Variants in MEIKIN observed in about 807,000 individuals in gnomAD.
MEIKIN encodes the protein meiotic kinetochore factor.
At chr5:131,869,780 T>C (rs1005823944) in intron 9 of MEIKIN, among the ~76,000 whole-genome samples, 7 of 152,214 alleles carry the variant, frequency 4.6e-5, no homozygotes, top group Non-Finnish European at 1.0e-4. Flanking sequence ...CCTCCAGCAA[T>C]TCATCAACAC....
chr5:131,836,553 G>A (rs1749811358), intron 11 of MEIKIN, among the ~76,000 whole-genome samples: 1 of 152,104 alleles, frequency 6.6e-6, no homozygotes, highest in South Asian at 2.1e-4. Context: ...AACCTCATCA[G>A]CATCTGCTAT....
chr5:131,885,379 G>A (rs868659039), intron 8 of MEIKIN, among the ~76,000 whole-genome samples: 248 of 84,340 alleles, frequency 2.9e-3, no homozygotes, highest in African/African-American at 0.01. Context: ...GAGAGAGAGA[G>A]AGAGAGAGAG....
At chr5:131,835,876 A>G (rs1749797441) in intron 11 of MEIKIN, among the ~76,000 whole-genome samples, 1 of 152,198 alleles carries the variant, frequency 6.6e-6, no homozygotes, top group African/African-American at 2.4e-5. Flanking sequence ...TATAGGCGTG[A>G]GCCACCATGC....
chr5:131,862,292 T>C (rs180986037), intron 9 of MEIKIN, among the ~76,000 whole-genome samples: 1 of 152,236 alleles, frequency 6.6e-6, no homozygotes, highest in Admixed American at 6.5e-5. Flanking sequence ...AGTAGTAACG[T>C]CTCCTTTTTC....
At chr5:131,877,984 T>C (rs186982415) in intron 9 of MEIKIN, among the ~76,000 whole-genome samples, 3 of 152,352 alleles carry the variant, frequency 2.0e-5, no homozygotes, top group East Asian at 3.9e-4. Context: ...ATATCCATGA[T>C]AGACATACCA....
chr5:131,875,123 A>G (rs1750588854), intron 9 of MEIKIN, among the ~76,000 whole-genome samples: 1 of 152,230 alleles, frequency 6.6e-6, no homozygotes, highest in Non-Finnish European at 1.5e-5. Flanking sequence ...GATTCAACAT[A>G]GTGTTGGAAG....
At chr5:131,861,379 C>G (rs1340393899) in intron 9 of MEIKIN, among the ~76,000 whole-genome samples, 2 of 151,924 alleles carry the variant, frequency 1.3e-5, no homozygotes, top group African/African-American at 4.8e-5. Flanking sequence ...CAGAGAGAGA[C>G]TCTGTCTTCA....
chr5:131,835,180 G>GTGTGTA (rs1218537577), intron 11 of MEIKIN, among the ~76,000 whole-genome samples: 10 of 150,994 alleles, frequency 6.6e-5, no homozygotes, highest in African/African-American at 2.4e-4. Context: ...ATATATATGT[G>GTGTGTA]TATATATATG....
intron 8 of MEIKIN, among the ~76,000 whole-genome samples, chr5:131,900,572 A>C (rs1462724305): frequency 6.6e-6 from 1 of 152,046 alleles, no homozygotes; most frequent in African/African-American, 2.4e-5. Context: ...GAGCATAGCC[A>C]AGGACGCCCA....
chr5:131,914,109 C>G (rs2149644607), intron 7 of MEIKIN, among the ~76,000 whole-genome samples: 1 of 152,264 alleles, frequency 6.6e-6, no homozygotes, highest in South Asian at 2.1e-4. Context: ...TGTTCAGTCC[C>G]TTTGCTATGT....
In MEIKIN at chr5:131,945,461, C is replaced by T; in HGVS notation, c.45G>A (p.Gln15=). 1 of 399,476 alleles carries T rather than the reference C, an allele frequency of 2.5e-6. No individual in the cohort carries two copies. The highest frequency in any genetic ancestry group is 4.4e-6 in the Non-Finnish European group (1 of 226,168). The allele number at this position is 399,476 out of a possible 1,614,324, so 24.7% of individuals were successfully genotyped here. ...RVYTRKKREG[Q]RLNLTPTPDL... ...CTGGCGTCGGGGTGAGATTGAGCCT[C>T]TGACCCTCCCGCTTTTTGCGGGTAT... Residue 15 remains glutamine (Q), a synonymous_variant, in exon 1 of 13, where the codon CAG becomes CAA. Coordinates refer to ENST00000442687, the MANE Select transcript of MEIKIN (RefSeq NM_001303622.2).
At chr5:131,851,582 AAATC>A (rs1750116487) in intron 10 of MEIKIN, among the ~76,000 whole-genome samples, 199 bp from the exon 11 acceptor site, 1 of 152,230 alleles carries the variant, frequency 6.6e-6, no homozygotes, top group South Asian at 2.1e-4. Flanking sequence ...GTTTAGAGAC[AAATC>A]AATCTGTAAA....
chr5:131,912,451 G>A (rs1022907144), intron 7 of MEIKIN, among the ~76,000 whole-genome samples: 1 of 151,890 alleles, frequency 6.6e-6, no homozygotes, highest in African/African-American at 2.4e-5. Context: ...ATCTAAATGT[G>A]TAGGAAAGGA....
chr5:131,891,011 A>T (rs1283872145), intron 8 of MEIKIN, among the ~76,000 whole-genome samples: 3 of 152,154 alleles, frequency 2.0e-5, no homozygotes, highest in Non-Finnish European at 4.4e-5. Context: ...TTCAGTTTCC[A>T]TGTAGTTGAG....
intron 12 of MEIKIN, among the ~76,000 whole-genome samples, chr5:131,810,412 C>A (rs1017497126): frequency 1.3e-5 from 2 of 152,158 alleles, no homozygotes; most frequent in African/African-American, 2.4e-5. Context: ...TTCTCTAACA[C>A]CTCAAAGTTA....
chr5:131,870,217 AT>A (rs1255222369), intron 9 of MEIKIN, among the ~76,000 whole-genome samples: 1 of 152,188 alleles, frequency 6.6e-6, no homozygotes, highest in African/African-American at 2.4e-5. Context: ...AATAATTAAT[AT>A]TTTTAATGTA....
In MEIKIN at chr5:131,944,770, C is replaced by A. The variant is rs753928071; in HGVS notation, c.201-18G>T. The A allele has an allele frequency of 7.0e-5, 28 of 398,924 alleles. No homozygotes were observed. Among genetic ancestry groups the A allele is most frequent in the Non-Finnish European group, 1.1e-4 (25 of 226,078 alleles). The allele number at this position is 398,924 out of a possible 1,614,324, so 24.7% of individuals were successfully genotyped here. A position where few individuals can be genotyped will look rare whatever the true frequency, so the allele number is the denominator to read the frequency against. ...AGCGAGGGCTAACAAAGAGACAACG[C>A]AATTAGTTTGCACCATCTGGATTTG... On this transcript the variant is annotated intron_variant, in intron 2 of 12. Transcript: ENST00000442687.
At chr5:131,871,002 T>C (rs1229343206) in intron 9 of MEIKIN, among the ~76,000 whole-genome samples, 3 of 151,996 alleles carry the variant, frequency 2.0e-5, no homozygotes, top group East Asian at 1.9e-4. Context: ...AGCTATAAAA[T>C]AGGTAAAAAC....
At chr5:131,924,084 C>T (rs561494530) in intron 5 of MEIKIN, among the ~76,000 whole-genome samples, 7 of 152,088 alleles carry the variant, frequency 4.6e-5, no homozygotes, top group South Asian at 2.1e-4. Flanking sequence ...ATCAAGTATT[C>T]GACCCTCTGT....
Sources: allele counts gnomAD v4.1 joint callset (sites outside exome capture counted in the v4.1 genomes callset), GRCh38; gene constraint gnomAD v4.1.1; transcripts MANE v1.5; gene names NCBI Gene and HGNC (gene_info 2026-07-23, HGNC 2026-07-21).